Variants in PLCZ1 observed in about 807,000 individuals in gnomAD.
PLCZ1 encodes the protein 1-phosphatidylinositol 4,5-bisphosphate phosphodiesterase zeta-1.
A neutral mutation model predicts 76.8 loss-of-function variants in PLCZ1; 64 were observed. The observed-to-expected ratio is 0.83, with a 90% CI of 0.68 to 1.03. PLCZ1 has a LOEUF of 1.03. Ranked by LOEUF, PLCZ1 falls within the 50% of genes least tolerant of loss-of-function variation. The probability of loss-of-function intolerance (pLI) is 0.00; values close to 1 mark genes in which losing one functional copy is unlikely to be tolerated. For missense variants in PLCZ1, 751 were observed against 713.7 expected (o/e 1.05, Z -0.60); for synonymous variants, 248 against 230.8 (o/e 1.07, Z -0.68).
At chr12:18,688,998 T>TAGAAG (rs112080818) in intron 12 of PLCZ1, among the ~76,000 whole-genome samples, 13,383 of 148,992 alleles carry the variant, frequency 0.09, 691 homozygotes, top group African/African-American at 0.14. Context: ...AGAGAAGGAG[T>TAGAAG]AGAAAAGAAA....
At chr12:18,663,047 G>C in the PLCZ1 span, among the ~76,000 whole-genome samples, 1 of 151,956 alleles carries the variant, frequency 6.6e-6, no homozygotes, top group Non-Finnish European at 1.5e-5. Context: ...ACTCTCTCCA[G>C]TCAAAAGACA....
chr12:18,646,546 A>G, the PLCZ1 span, among the ~76,000 whole-genome samples: 3 of 152,166 alleles, frequency 2.0e-5, no homozygotes, highest in African/African-American at 7.2e-5. Context: ...CCTATGCTGT[A>G]CAAAGTACTG....
rs769666801 is a variant in PLCZ1 at position 18,737,376 on chromosome 12, T to G, written c.-5A>C. ...CAATGGATATCTCATTTCCATAGTT[T>G]CATGACCTGTAGAGCCGTTTCTCCT... On this transcript the variant is annotated 5_prime_UTR_variant, in exon 2 of 15. The change abolishes the stop of an existing upstream ORF in the 5' untranslated region. Coordinates refer to ENST00000266505, the MANE Select transcript of PLCZ1 (RefSeq NM_033123.4). 1 of 1,613,844 alleles carries G rather than the reference T, an allele frequency of 6.2e-7. No individual in the cohort carries two copies. The highest frequency in any genetic ancestry group is 1.7e-5 in the Admixed American group (1 of 59,994).
intron 12 of PLCZ1, among the ~76,000 whole-genome samples, chr12:18,689,031 G>T (rs1953642862): frequency 1.3e-5 from 2 of 152,118 alleles, no homozygotes; most frequent in South Asian, 4.1e-4. Flanking sequence ...ACACTAATGT[G>T]TGATTTTTCC....
intron 3 of PLCZ1, among the ~76,000 whole-genome samples, chr12:18,733,441 C>A (rs1057060439): frequency 1.3e-5 from 2 of 152,160 alleles, no homozygotes; most frequent in African/African-American, 2.4e-5. Flanking sequence ...TGTGCAATAG[C>A]CACTTTGTTT....
the PLCZ1 span, among the ~76,000 whole-genome samples, chr12:18,655,663 A>T: frequency 6.6e-6 from 1 of 152,058 alleles, no homozygotes; most frequent in Non-Finnish European, 1.5e-5. Context: ...TCGTGTTGGC[A>T]GTATGTACCC....
At chr12:18,710,674 C>T (rs181292948) in intron 6 of PLCZ1, among the ~76,000 whole-genome samples, 124 of 152,026 alleles carry the variant, frequency 8.2e-4, no homozygotes, top group Non-Finnish European at 9.6e-4. Flanking sequence ...TGGTTGACTA[C>T]GACAGTGACA....
At chr12:18,689,968 G>A (rs1377707741) in intron 12 of PLCZ1, among the ~76,000 whole-genome samples, 1 of 152,062 alleles carries the variant, frequency 6.6e-6, no homozygotes, top group Non-Finnish European at 1.5e-5. Context: ...GCTTCCTGGA[G>A]AATCATTAAC....
chr12:18,699,976 C>T, intron 9 of PLCZ1, 26 bp from the exon 10 acceptor site: 3 of 1,592,826 alleles, frequency 1.9e-6, no homozygotes, highest in Non-Finnish European at 2.6e-6. Flanking sequence ...AGTAATTTTA[C>T]ATTTTTATGC....
Position 18,737,382 on chromosome 12 carries a change from C to G in PLCZ1, c.-11G>C, listed in dbSNP as rs749579809. 8.1e-6 allele frequency: 13 copies of G among 1,613,722 alleles called. No homozygotes were observed. The East Asian group carries it at 2.7e-4, about 33-fold the overall frequency. On this transcript the variant is annotated 5_prime_UTR_variant, in exon 2 of 15. Transcript: ENST00000266505. Reference sequence around the variant, plus strand: ...ATATCTCATTTCCATAGTTTCATGACCTGTAGAGCCGTTTCTCCTCACTTA... The same window carrying G: ...ATATCTCATTTCCATAGTTTCATGAGCTGTAGAGCCGTTTCTCCTCACTTA...
chr12:18,661,816 C>T, the PLCZ1 span, among the ~76,000 whole-genome samples: 4 of 152,026 alleles, frequency 2.6e-5, no homozygotes, highest in East Asian at 7.7e-4. Flanking sequence ...ATAAATTGTT[C>T]TACCGTTGTA....
At chr12:18,652,941 GAGAGAGAA>G in the PLCZ1 span, among the ~76,000 whole-genome samples, 1 of 151,516 alleles carries the variant, frequency 6.6e-6, no homozygotes, top group African/African-American at 2.4e-5. Context: ...CACAGAGAGA[GAGAGAGAA>G]AGAGAGAGAC....
At chr12:18,693,907 T>C (rs1954540987) in intron 12 of PLCZ1, 1 of 1,528,346 alleles carries the variant, frequency 6.5e-7, no homozygotes. Context: ...TGGCTGATGA[T>C]GTAACCCTGC....
rs778233451 is a variant in PLCZ1 at position 18,694,993 on chromosome 12, T to C, written c.1378A>G (p.Lys460Glu). The C allele has an allele frequency of 6.2e-7, 1 of 1,610,478 alleles. No individual in the cohort carries two copies. The highest frequency in any genetic ancestry group is 8.5e-7 in the Non-Finnish European group (1 of 1,176,972). ...LDNGGSGYIL[K>E]PHFLRESKSY... Reference sequence around the variant, plus strand: ...TTACTCTCTCTTAAGAAATGTGGTTTCAAAATATATCCAGAACCACCATTA... The same window carrying C: ...TTACTCTCTCTTAAGAAATGTGGTTCCAAAATATATCCAGAACCACCATTA... The change falls in exon 12 of 15, where the codon AAA (lysine) becomes GAA (glutamate). Residue 460 changes from lysine to glutamate, a missense_variant. Lys to Glu is a moderately conservative substitution (Grantham distance 56, BLOSUM62 1). Transcript: ENST00000266505.
At chr12:18,706,603 T>C (rs1956642720) in intron 6 of PLCZ1, among the ~76,000 whole-genome samples, 1 of 152,154 alleles carries the variant, frequency 6.6e-6, no homozygotes, top group Non-Finnish European at 1.5e-5. Context: ...AACTTGCCAT[T>C]AAATAGGGAA....
intron 10 of PLCZ1, 31 bp downstream of exon 10, chr12:18,699,763 C>T: frequency 6.3e-7 from 1 of 1,591,566 alleles, no homozygotes; most frequent in Non-Finnish European, 8.6e-7. Context: ...CTCATTTAAA[C>T]ATTTCATCTA....
In PLCZ1 at chr12:18,693,783, C is replaced by T. The variant is rs750146061; in HGVS notation, c.1461+1127G>A. The T allele has an allele frequency of 2.0e-6, 3 of 1,513,314 alleles. No homozygotes were observed. The African/African-American group carries it at 4.1e-5, about 21-fold the overall frequency. 93.7% of individuals were successfully genotyped at this position (1,513,314 alleles called of 1,614,324 possible). On this transcript the variant is annotated intron_variant, in intron 12 of 14. Coordinates refer to ENST00000266505, the MANE Select transcript of PLCZ1 (RefSeq NM_033123.4). ...ATCATGGCCACAAACCAAATAGAAA[C>T]TTTGGATCCAGCGCTTATCAGACCA...
At chr12:18,700,630 A>G (rs964614563) in intron 9 of PLCZ1, among the ~76,000 whole-genome samples, 3 of 152,016 alleles carry the variant, frequency 2.0e-5, no homozygotes, top group Non-Finnish European at 1.5e-5. Context: ...CAACACAGAG[A>G]AAGTGGGAGC....
intron 12 of PLCZ1, chr12:18,692,971 T>C: frequency 1.4e-6 from 2 of 1,433,772 alleles, no homozygotes; most frequent in Non-Finnish European, 2.0e-6. Context: ...TTACTGAAGT[T>C]AGAGAGAATT....
Sources: gnomAD v4.1 joint callset for allele counts (sites outside exome capture counted in the v4.1 genomes callset) on GRCh38, gnomAD v4.1.1 for gene constraint, MANE v1.5 for transcripts, NCBI Gene and HGNC (gene_info 2026-07-23, HGNC 2026-07-21) for gene names.